Variants in HCN1 observed in about 807,000 individuals in gnomAD.
HCN1 encodes hyperpolarization activated cyclic nucleotide gated potassium channel 1, also known as potassium/sodium hyperpolarization-activated cyclic nucleotide-gated channel 1.
In HCN1, 13 loss-of-function variants were observed where a neutral mutation model predicts 78.9. That is an observed-to-expected ratio of 0.16 (90% CI 0.11 to 0.26). The LOEUF (loss-of-function observed/expected upper bound fraction) is 0.26, where lower values mean the gene tolerates loss of function less well. HCN1 is among the 10% of genes least tolerant of loss of function. HCN1 has a pLI of 1.00. For missense variants in HCN1, 810 were observed against 1,154.3 expected, an observed-to-expected ratio of 0.70 and a Z score of 4.32; for synonymous variants, 552 against 455.5, an observed-to-expected ratio of 1.21 and a Z score of -2.70.
At chr5:45,400,914 A>T (rs1378190082) in intron 3 of HCN1, among the ~76,000 whole-genome samples, 1 of 152,104 alleles carries the variant, frequency 6.6e-6, no homozygotes, top group Non-Finnish European at 1.5e-5. Flanking sequence ...GAATCCTATT[A>T]TATATGCTCT....
intron 4 of HCN1, among the ~76,000 whole-genome samples, chr5:45,353,483 A>T (rs1240714794): frequency 6.6e-6 from 1 of 152,000 alleles, no homozygotes; most frequent in Admixed American, 6.6e-5. Flanking sequence ...TATCGTGGAG[A>T]GGAGGCATGA....
intron 6 of HCN1, among the ~76,000 whole-genome samples, chr5:45,295,205 C>T (rs768771596): frequency 7.2e-5 from 11 of 151,954 alleles, no homozygotes; most frequent in African/African-American, 2.4e-4. Context: ...CCTAGAACTC[C>T]CAGGTAATCC....
Position 45,259,591 on chromosome 5 carries a change from C to CT in HCN1, c.*2329dup. On this transcript the variant is annotated 3_prime_UTR_variant, in exon 8 of 8. Transcript: ENST00000303230. ...TATATGTATATAATTTACCCTGTACCTTTTTATTAGTTTAATATATAAACC... is the reference window on the plus strand; with the variant it reads ...TATATGTATATAATTTACCCTGTACCTTTTTTATTAGTTTAATATATAAACC... The CT allele has an allele frequency of 6.6e-6, 1 of 151,954 alleles. No individual in the cohort carries two copies. Among genetic ancestry groups the CT allele is most frequent in the Admixed American group, 6.6e-5 (1 of 15,196 alleles). The allele number at this position is 151,954 out of a possible 1,614,324, so 9.4% of individuals were successfully genotyped here.
At chr5:45,308,012 G>T (rs1285751581) in intron 5 of HCN1, among the ~76,000 whole-genome samples, 1 of 152,088 alleles carries the variant, frequency 6.6e-6, no homozygotes. Flanking sequence ...TGGTGCATGG[G>T]AGGAGGTGTT....
chr5:45,549,790 C>G (rs932014525), intron 2 of HCN1, among the ~76,000 whole-genome samples: 2 of 152,090 alleles, frequency 1.3e-5, no homozygotes, highest in Admixed American at 6.6e-5. Flanking sequence ...AGAACTCAAA[C>G]AAATTTACAA....
chr5:45,291,842 A>G (rs1745383448), intron 6 of HCN1, among the ~76,000 whole-genome samples: 1 of 152,042 alleles, frequency 6.6e-6, no homozygotes, highest in Non-Finnish European at 1.5e-5. Context: ...GTCCCTTTTC[A>G]TTAAGCTTTC....
intron 2 of HCN1, among the ~76,000 whole-genome samples, chr5:45,491,255 A>G (rs991083577): frequency 2.0e-5 from 3 of 152,140 alleles, no homozygotes; most frequent in Non-Finnish European, 4.4e-5. Context: ...CAACATATAC[A>G]AGCTAACTCA....
chr5:45,449,981 T>C (rs1740885027), intron 3 of HCN1, among the ~76,000 whole-genome samples: 1 of 152,126 alleles, frequency 6.6e-6, no homozygotes, highest in South Asian at 2.1e-4. Context: ...TGCAGGTGCC[T>C]GCCACCACGT....
At chr5:45,376,044 A>T (rs1747644450) in intron 4 of HCN1, among the ~76,000 whole-genome samples, 1 of 113,216 alleles carries the variant, frequency 8.8e-6, no homozygotes, top group Non-Finnish European at 1.6e-5. Context: ...AATATTTTAT[A>T]ATATATATTA....
Position 45,261,806 on chromosome 5 carries a change from A to G in HCN1, c.*115T>C. 1 of 1,337,836 alleles carries G rather than the reference A, an allele frequency of 7.5e-7. No homozygotes were observed. The highest frequency in any genetic ancestry group is 1.2e-5 in the South Asian group (1 of 84,994). 82.9% of individuals were successfully genotyped at this position (1,337,836 alleles called of 1,614,324 possible). ...TTTCACGTGTAGGCCACAGCTGTCT[A>G]AAATATCTCTTCATAGTAGGCTAGA... On this transcript the variant is annotated 3_prime_UTR_variant, in exon 8 of 8. Coordinates refer to ENST00000303230, the MANE Select transcript of HCN1 (RefSeq NM_021072.4).
chr5:45,401,039 C>A (rs148422753), intron 3 of HCN1, among the ~76,000 whole-genome samples: 3 of 152,320 alleles, frequency 2.0e-5, no homozygotes, highest in African/African-American at 7.2e-5. Context: ...TGTTCTCCAG[C>A]TTTTGCCACT....
intron 4 of HCN1, among the ~76,000 whole-genome samples, chr5:45,372,345 A>G (rs1259132413): frequency 1.9e-5 from 2 of 104,738 alleles, no homozygotes; most frequent in Non-Finnish European, 3.4e-5. Context: ...TATATCATAT[A>G]TATTTTACAT....
chr5:45,363,469 G>A (rs765526880), intron 4 of HCN1, among the ~76,000 whole-genome samples: 26 of 151,810 alleles, frequency 1.7e-4, no homozygotes, highest in Non-Finnish European at 3.4e-4. Context: ...ACAAGTATAA[G>A]GTTCATTCTA....
chr5:45,374,788 GTATA>G (rs937199640), intron 4 of HCN1, among the ~76,000 whole-genome samples: 3 of 142,642 alleles, frequency 2.1e-5, no homozygotes, highest in Non-Finnish European at 4.5e-5. Context: ...ATATATGTGT[GTATA>G]TATATATATA....
intron 3 of HCN1, among the ~76,000 whole-genome samples, chr5:45,460,413 A>G (rs1741122394): frequency 6.6e-6 from 1 of 152,076 alleles, no homozygotes; most frequent in South Asian, 2.1e-4. Flanking sequence ...TGAGAAATAC[A>G]TTTCTGTTTT....
intron 6 of HCN1, among the ~76,000 whole-genome samples, chr5:45,268,240 C>T (rs1245420345): frequency 6.6e-6 from 1 of 152,094 alleles, no homozygotes; most frequent in Non-Finnish European, 1.5e-5. Context: ...GGTAAACAAA[C>T]ATTTGCAAAT....
Position 45,325,034 on chromosome 5 carries a change from T to C in HCN1, c.1378-21195A>G, listed in dbSNP as rs949319307. On this transcript the variant is annotated intron_variant, in intron 5 of 7. Transcript: ENST00000303230. Reference sequence around the variant, plus strand: ...AGGTGCCCAGGTGGGAAGAAGTTTGTAGGTACAATGTAGGACCAATCTGGA... The same window carrying C: ...AGGTGCCCAGGTGGGAAGAAGTTTGCAGGTACAATGTAGGACCAATCTGGA... 3.3e-5 allele frequency among the ~76,000 whole-genome samples: 5 copies of C among 151,614 alleles called. No homozygotes were observed. The Admixed American group carries it at 3.3e-4, about 10-fold the overall frequency.
At chr5:45,660,954 C>T (rs1223888809) in intron 1 of HCN1, among the ~76,000 whole-genome samples, 4 of 47,360 alleles carry the variant, frequency 8.4e-5, no homozygotes, top group African/African-American at 3.7e-4. Flanking sequence ...CCAAGCGGAC[C>T]TAATAGACAT....
chr5:45,564,320 G>T (rs2111887840), intron 2 of HCN1, among the ~76,000 whole-genome samples: 1 of 151,760 alleles, frequency 6.6e-6, no homozygotes, highest in South Asian at 2.1e-4. Context: ...GAGTGCAGTG[G>T]CGCCATCTCG....
Sources: gnomAD v4.1 joint callset for allele counts (sites outside exome capture counted in the v4.1 genomes callset) on GRCh38, gnomAD v4.1.1 for gene constraint, MANE v1.5 for transcripts, NCBI Gene and HGNC (gene_info 2026-07-23, HGNC 2026-07-21) for gene names.